Variants in IMMP2L observed in about 807,000 individuals in gnomAD.
IMMP2L encodes mitochondrial inner membrane protease subunit 2.
A neutral mutation model predicts 19.3 loss-of-function variants in IMMP2L; 18 were observed. That is an observed-to-expected ratio of 0.93 (90% CI 0.64 to 1.38). The LOEUF (loss-of-function observed/expected upper bound fraction) is 1.38. Among genes scored for constraint, IMMP2L ranks in the 40% most tolerant of loss-of-function variants. The pLI is 0.00. For missense variants in IMMP2L, 233 were observed against 218.2 expected, an observed-to-expected ratio of 1.07 and a Z score of -0.43; for synonymous variants, 76 against 73.0, an observed-to-expected ratio of 1.04 and a Z score of -0.21.
intron 4 of IMMP2L, among the ~76,000 whole-genome samples, chr7:110,949,631 A>C (rs553589353): frequency 1.3e-5 from 2 of 152,182 alleles, no homozygotes; most frequent in Non-Finnish European, 2.9e-5. Flanking sequence ...TTCATGCTAC[A>C]ATATCAGAGT....
At chr7:110,976,692 G>A (rs1183326963) in intron 3 of IMMP2L, among the ~76,000 whole-genome samples, 2 of 151,948 alleles carry the variant, frequency 1.3e-5, no homozygotes, top group South Asian at 4.1e-4. Flanking sequence ...TCTAGAATCT[G>A]AATTTGAACA....
chr7:111,502,162 T>A (rs954946033), intron 2 of IMMP2L, among the ~76,000 whole-genome samples: 2 of 151,992 alleles, frequency 1.3e-5, no homozygotes, highest in African/African-American at 4.8e-5. Flanking sequence ...AAGGCAGGGA[T>A]TGCAATCCTA....
intron 5 of IMMP2L, among the ~76,000 whole-genome samples, chr7:110,704,301 T>C (rs1794495218): frequency 6.6e-6 from 1 of 152,224 alleles, no homozygotes; most frequent in Non-Finnish European, 1.5e-5. Flanking sequence ...AAATTGAGCC[T>C]AAGTTACTTT....
intron 5 of IMMP2L, among the ~76,000 whole-genome samples, chr7:110,858,988 A>T (rs1358796629): frequency 6.6e-6 from 1 of 152,036 alleles, no homozygotes; most frequent in African/African-American, 2.4e-5. Flanking sequence ...CTTTCTGATC[A>T]TGTCTTTCTG....
rs973232584 is a variant in IMMP2L at position 110,957,130 on chromosome 7, A to G, written c.305+6370T>C. ...CCTAGCTATGAGATCCAGAGAATCA[A>G]GCAATTGCCTTGTGATTTTAATCAA... is the stretch of plus-strand genomic sequence containing the variant. On this transcript the variant is annotated intron_variant, in intron 4 of 5. Transcript: ENST00000405709. Among the ~76,000 whole-genome samples, 8 of 152,076 alleles carry G rather than the reference A, an allele frequency of 5.3e-5. No homozygotes were observed. In the East Asian group the frequency reaches 1.6e-3, roughly 30 times the overall value.
At chr7:110,878,789 T>C (rs554016495) in intron 5 of IMMP2L, among the ~76,000 whole-genome samples, 1 of 152,288 alleles carries the variant, frequency 6.6e-6, no homozygotes, top group Non-Finnish European at 1.5e-5. Context: ...ATGTATATTT[T>C]AATTTTATTA....
chr7:110,759,079 A>C (rs1239370343), intron 5 of IMMP2L, among the ~76,000 whole-genome samples: 6 of 152,126 alleles, frequency 3.9e-5, no homozygotes, highest in Non-Finnish European at 8.8e-5. Context: ...ATGCACGTTT[A>C]GTATTCTACT....
At chr7:110,906,038 C>G (rs373972997) in intron 4 of IMMP2L, among the ~76,000 whole-genome samples, 1 of 152,146 alleles carries the variant, frequency 6.6e-6, no homozygotes, top group South Asian at 2.1e-4. Flanking sequence ...ATATTTGTGA[C>G]CAAATCTGAG....
chr7:111,304,914 G>A (rs1822698634), intron 3 of IMMP2L, among the ~76,000 whole-genome samples: 2 of 151,968 alleles, frequency 1.3e-5, no homozygotes, highest in African/African-American at 4.8e-5. Context: ...ACTTGACACT[G>A]ATCAAAGGAA....
In IMMP2L at chr7:110,757,752, T is replaced by A. The variant is rs562319353; in HGVS notation, c.409-94031A>T. 6.6e-6 allele frequency among the ~76,000 whole-genome samples: 1 copy of A among 152,260 alleles called. No homozygotes were observed. Among genetic ancestry groups the A allele is most frequent in the African/African-American group, 2.4e-5 (1 of 41,570 alleles). On this transcript the variant is annotated intron_variant, in intron 5 of 5. Coordinates refer to ENST00000405709, the MANE Select transcript of IMMP2L (RefSeq NM_032549.4). This position sits in a 1 kb window ranked among gnomAD's most constrained non-coding sequence, Gnocchi z 4.2. ...TGCCCATACCTTTGTTAAATCTTTCTTAAATTTTTCTACTTTGAGTTTGTC... is the reference window on the plus strand; with the variant it reads ...TGCCCATACCTTTGTTAAATCTTTCATAAATTTTTCTACTTTGAGTTTGTC...
At chr7:111,189,541 C>A (rs1046331143) in intron 3 of IMMP2L, among the ~76,000 whole-genome samples, 6 of 151,798 alleles carry the variant, frequency 4.0e-5, no homozygotes, top group South Asian at 2.1e-4. Flanking sequence ...ACTTTCCTAT[C>A]ACAGATAACC....
At chr7:110,923,742 C>G (rs1814546275) in intron 4 of IMMP2L, among the ~76,000 whole-genome samples, 1 of 151,942 alleles carries the variant, frequency 6.6e-6, no homozygotes, top group South Asian at 2.2e-4. Flanking sequence ...ATAATTTGAT[C>G]TAAATTATGA....
intron 3 of IMMP2L, among the ~76,000 whole-genome samples, chr7:111,102,592 C>A (rs1798090224): frequency 6.6e-6 from 1 of 151,084 alleles, no homozygotes; most frequent in African/African-American, 2.4e-5. Context: ...TTAAATCAGT[C>A]AAATAAAAGA....
chr7:110,941,891 T>C (rs1444245597), intron 4 of IMMP2L, among the ~76,000 whole-genome samples: 1 of 150,748 alleles, frequency 6.6e-6, no homozygotes, highest in Non-Finnish European at 1.5e-5. Flanking sequence ...TCCACAGAAT[T>C]ATGGATGTAC....
intron 4 of IMMP2L, 152 bp from the exon 5 acceptor site, chr7:110,886,847 G>T: frequency 2.1e-6 from 1 of 485,856 alleles, no homozygotes. Flanking sequence ...AGGAAGATGT[G>T]GTTAGAGCAA....
At chr7:111,002,196 A>G (rs969800585) in intron 3 of IMMP2L, among the ~76,000 whole-genome samples, 1 of 152,182 alleles carries the variant, frequency 6.6e-6, no homozygotes, top group Admixed American at 6.6e-5. Context: ...AAATCAGTAC[A>G]GAGTAGAAGA....
intron 3 of IMMP2L, among the ~76,000 whole-genome samples, chr7:110,990,493 G>A (rs2129559490): frequency 6.6e-6 from 1 of 152,268 alleles, no homozygotes; most frequent in East Asian, 1.9e-4. Flanking sequence ...ACCCTAACCA[G>A]ATTATAAGTA....
At chr7:111,033,276 T>A (rs1462306685) in intron 3 of IMMP2L, among the ~76,000 whole-genome samples, 1 of 152,196 alleles carries the variant, frequency 6.6e-6, no homozygotes, top group Admixed American at 6.5e-5. Context: ...AATTAGATAC[T>A]ATTACACATT....
intron 3 of IMMP2L, among the ~76,000 whole-genome samples, chr7:111,446,705 G>A (rs558303203): frequency 2.6e-5 from 4 of 152,264 alleles, no homozygotes; most frequent in Non-Finnish European, 5.9e-5. Context: ...AAACTGGATG[G>A]AGAATGATTT....
Sources: gnomAD v4.1 joint callset for allele counts (sites outside exome capture counted in the v4.1 genomes callset) on GRCh38, gnomAD v4.1.1 for gene constraint, Gnocchi (gnomAD v3.1) non-coding constraint, MANE v1.5 for transcripts, NCBI Gene and HGNC (gene_info 2026-07-23, HGNC 2026-07-21) for gene names.